The following CTTNBP2NL variants were observed in gnomAD, a reference collection of about 807,000 sequenced individuals.
CTTNBP2NL encodes the protein CTTNBP2 N-terminal-like protein.
A neutral mutation model predicts 32.5 loss-of-function variants in CTTNBP2NL; 16 were observed. The observed-to-expected ratio is 0.49, with a 90% CI of 0.33 to 0.75. The LOEUF is 0.75. Ranked by LOEUF, CTTNBP2NL falls within the 30% of genes least tolerant of loss-of-function variation. The probability of loss-of-function intolerance (pLI) is 0.02; values close to 1 mark genes in which losing one functional copy is unlikely to be tolerated. For missense variants in CTTNBP2NL, 645 were observed against 756.0 expected, an observed-to-expected ratio of 0.85 and a Z score of 1.72; for synonymous variants, 298 against 289.4, an observed-to-expected ratio of 1.03 and a Z score of -0.30.
At position 112,461,164 on chromosome 1, in the gene CTTNBP2NL, A is replaced by G. The variant is rs1177406564; in HGVS notation, c.*3752A>G. 1 of 152,160 alleles carries G rather than the reference A, an allele frequency of 6.6e-6. No individual in the cohort carries two copies. The highest frequency in any genetic ancestry group is 1.5e-5 in the Non-Finnish European group (1 of 68,022). The allele number at this position is 152,160 out of a possible 1,614,324, so 9.4% of individuals were successfully genotyped here. ...GTAAAAATAAAGGAGGGGAAAGGAG[A>G]CTGGAGTAGTGGTTCTCAAACTTTA... On this transcript the variant is annotated 3_prime_UTR_variant, in exon 6 of 6. Coordinates refer to ENST00000271277, the MANE Select transcript of CTTNBP2NL (RefSeq NM_018704.3).
chr1:112,405,123 A>G (rs1648621686), intron 1 of CTTNBP2NL, among the ~76,000 whole-genome samples: 1 of 152,234 alleles, frequency 6.6e-6, no homozygotes, highest in Non-Finnish European at 1.5e-5. Context: ...TAATATTCTG[A>G]TGTTAAAAGA....
At chr1:112,407,157 C>T (rs1423824779) in intron 1 of CTTNBP2NL, among the ~76,000 whole-genome samples, 1 of 152,104 alleles carries the variant, frequency 6.6e-6, no homozygotes. Flanking sequence ...ATAAGGCATT[C>T]TGAGAAATAC....
At chr1:112,453,552 G>T (rs1388732421) in intron 4 of CTTNBP2NL, among the ~76,000 whole-genome samples, 1 of 152,082 alleles carries the variant, frequency 6.6e-6, no homozygotes, top group Non-Finnish European at 1.5e-5. Context: ...AGGAGTTCCA[G>T]ACCAGCCTGG....
At chr1:112,407,169 G>A (rs1648690856) in intron 1 of CTTNBP2NL, among the ~76,000 whole-genome samples, 1 of 152,128 alleles carries the variant, frequency 6.6e-6, no homozygotes, top group Non-Finnish European at 1.5e-5. Flanking sequence ...GAGAAATACT[G>A]TGTTGTAGTG....
chr1:112,429,409 G>A (rs1042125608), intron 3 of CTTNBP2NL, among the ~76,000 whole-genome samples: 5 of 152,214 alleles, frequency 3.3e-5, no homozygotes, highest in African/African-American at 1.2e-4. Flanking sequence ...CTACTTGGGA[G>A]GCTGAAGCAG....
intron 5 of CTTNBP2NL, 72 bp downstream of exon 5, chr1:112,454,628 G>A: frequency 4.5e-6 from 5 of 1,114,188 alleles, no homozygotes; most frequent in Non-Finnish European, 5.5e-6. Context: ...TCTGCAGGAT[G>A]CCAACTGGTA....
chr1:112,410,784 G>C (rs995689710), intron 1 of CTTNBP2NL, among the ~76,000 whole-genome samples: 11 of 152,208 alleles, frequency 7.2e-5, no homozygotes, highest in African/African-American at 2.7e-4. Context: ...TAGGGAATGA[G>C]TCCATAGACT....
chr1:112,407,912 T>G, intron 1 of CTTNBP2NL, among the ~76,000 whole-genome samples: 1 of 141,032 alleles, frequency 7.1e-6, no homozygotes, highest in East Asian at 2.3e-4. Flanking sequence ...TGACGTAATC[T>G]TGCCTCACTG....
intron 3 of CTTNBP2NL, among the ~76,000 whole-genome samples, chr1:112,443,787 T>C (rs1649962757): frequency 6.6e-6 from 1 of 152,264 alleles, no homozygotes; most frequent in Non-Finnish European, 1.5e-5. Context: ...AATCTAGTTC[T>C]TGTTCAGCAA....
In CTTNBP2NL at chr1:112,452,335, CTTT is replaced by C. The variant is rs1157736195; in HGVS notation, c.331-2089_331-2087del. ...GCATACACCACAGCACCAGTCTCTTCTTTTTTTTTTTTTTTTTTTTTTTTTTTA... is the reference window on the plus strand; with the variant it reads ...GCATACACCACAGCACCAGTCTCTTCTTTTTTTTTTTTTTTTTTTTTTTTA... On this transcript the variant is annotated intron_variant, in intron 4 of 5. Transcript: ENST00000271277. Among the ~76,000 whole-genome samples the C allele has an allele frequency of 9.1e-3, 598 of 65,686 alleles. 3 individuals are homozygous for C. The highest frequency in any genetic ancestry group is 0.036 in the African/African-American group (582 of 16,382). 43.1% of individuals were successfully genotyped at this position (65,686 alleles called of 152,430 possible).
chr1:112,416,116 C>T (rs1649053671), intron 2 of CTTNBP2NL, 41 bp from the exon 3 acceptor site: 1 of 1,014,014 alleles, frequency 9.9e-7, no homozygotes, highest in African/African-American at 1.6e-5. Flanking sequence ...ATCAAATTAA[C>T]TATGTCTTTG....
chr1:112,434,031 C>T (rs1362846371), intron 3 of CTTNBP2NL, among the ~76,000 whole-genome samples: 1 of 151,960 alleles, frequency 6.6e-6, no homozygotes, highest in Non-Finnish European at 1.5e-5. Flanking sequence ...TGTGTGACTT[C>T]GTGTCTACAC....
rs1426165815 is a variant in CTTNBP2NL at position 112,423,549 on chromosome 1, A to G, written c.99+7285A>G. On this transcript the variant is annotated intron_variant, in intron 3 of 5. Coordinates refer to ENST00000271277, the MANE Select transcript of CTTNBP2NL (RefSeq NM_018704.3). ...ACCCAGCCATAATCTAGACCAGGAAAAAAAAATGCATCTTTTGTAGACAGG... is the reference window on the plus strand; with the variant it reads ...ACCCAGCCATAATCTAGACCAGGAAGAAAAAATGCATCTTTTGTAGACAGG... 2.0e-5 allele frequency among the ~76,000 whole-genome samples: 3 copies of G among 152,198 alleles called. No individual in the cohort carries two copies. The East Asian group carries it at 5.8e-4, about 29-fold the overall frequency.
intron 5 of CTTNBP2NL, among the ~76,000 whole-genome samples, 186 bp downstream of exon 5, chr1:112,454,742 C>A (rs1259754862): frequency 6.6e-6 from 1 of 152,182 alleles, no homozygotes; most frequent in Non-Finnish European, 1.5e-5. Flanking sequence ...TATGCAGAAG[C>A]ACATTGTGAG....
intron 4 of CTTNBP2NL, among the ~76,000 whole-genome samples, chr1:112,449,641 G>A (rs1470465345): frequency 6.6e-6 from 1 of 151,826 alleles, no homozygotes; most frequent in Non-Finnish European, 1.5e-5. Flanking sequence ...TCCTAGTTTT[G>A]AGTTTCATTG....
rs564324257 is a variant in CTTNBP2NL at position 112,401,806 on chromosome 1, A to G, written c.-134+5534A>G. Among the ~76,000 whole-genome samples, 40 of 152,208 alleles carry G rather than the reference A, an allele frequency of 2.6e-4. No individual in the cohort carries two copies. The South Asian group carries it at 8.3e-3, about 32-fold the overall frequency. ...GCTCATCTTTGCCAGTTATTTCCAA[A>G]CTCTGCATTTCAGGTACAGAGCCAG... On this transcript the variant is annotated intron_variant, in intron 1 of 5. Transcript: ENST00000271277.
Position 112,456,278 on chromosome 1 carries a change from C to T in CTTNBP2NL, c.786C>T (p.Thr262=). 4 of 1,613,998 alleles carry T rather than the reference C, an allele frequency of 2.5e-6. No individual in the cohort carries two copies. Among genetic ancestry groups the T allele is most frequent in the Non-Finnish European group, 3.4e-6 (4 of 1,180,022 alleles). The change falls in exon 6 of 6, where the codon ACC becomes ACT. Residue 262 remains threonine (T), a synonymous_variant. Transcript: ENST00000271277. Reference sequence around the variant, plus strand: ...ACCGAGAAGAGAACCGGACCAAAACCCTGAAAGAAGAAATGGAAAGTTTAA... The same window carrying T: ...ACCGAGAAGAGAACCGGACCAAAACTCTGAAAGAAGAAATGGAAAGTTTAA... ...KLNREENRTK[T]LKEEMESLKK... is the part of the protein sequence containing the mutation.
chr1:112,456,880 G>A lies in CTTNBP2NL; in HGVS notation c.1388G>A (p.Arg463His), dbSNP rs748013264. The change falls in exon 6 of 6, where the codon CGC becomes CAC. Residue 463 changes from arginine (R) to histidine (H), a missense_variant. By Grantham distance (29) the Arg-to-His change is conservative. Transcript: ENST00000271277. ...VGINQRFHAA[R>H]HKFQSQADQD... ...ATCAACCAACGGTTCCATGCAGCTC[G>A]CCACAAATTTCAGTCCCAAGCAGAT... is the stretch of plus-strand genomic sequence containing the variant. 1.1e-5 allele frequency: 17 copies of A among 1,613,900 alleles called. No individual in the cohort carries two copies. The highest frequency in any genetic ancestry group is 1.7e-5 in the Admixed American group (1 of 59,974).
chr1:112,441,337 C>G (rs1353516063), intron 3 of CTTNBP2NL, among the ~76,000 whole-genome samples: 1 of 152,006 alleles, frequency 6.6e-6, no homozygotes, highest in Non-Finnish European at 1.5e-5. Context: ...TTTTTTTGTT[C>G]AGTATGATGT....
Sources: gnomAD v4.1 joint callset for allele counts (sites outside exome capture counted in the v4.1 genomes callset) on GRCh38, gnomAD v4.1.1 for gene constraint, MANE v1.5 for transcripts, NCBI Gene and HGNC (gene_info 2026-07-23, HGNC 2026-07-21) for gene names.